Variants in NCOR1 observed in about 807,000 individuals in gnomAD.
NCOR1 encodes nuclear receptor corepressor 1, also known as protein phosphatase 1, regulatory subunit 109.
A neutral mutation model predicts 288.1 loss-of-function variants in NCOR1; 63 were observed. That is an observed-to-expected ratio of 0.22 (90% CI 0.18 to 0.27). The LOEUF (loss-of-function observed/expected upper bound fraction) is 0.27, where lower values mean the gene tolerates loss of function less well. Ranked by LOEUF, NCOR1 falls within the 10% of genes least tolerant of loss-of-function variation. The pLI is 1.00. For synonymous variants in NCOR1, 1,007 were observed against 1,065.9 expected (o/e 0.94, Z 1.08); for missense variants, 2,397 against 3,019.2 (o/e 0.79, Z 4.83).
intron 26 of NCOR1, among the ~76,000 whole-genome samples, chr17:16,079,418 C>A (rs1458693576): frequency 6.6e-6 from 1 of 152,192 alleles, no homozygotes; most frequent in Non-Finnish European, 1.5e-5. Flanking sequence ...AGGCTAAGAA[C>A]TTCTTAAGTA....
At chr17:16,090,534 T>C (rs191711737) in intron 22 of NCOR1, among the ~76,000 whole-genome samples, 7 of 152,186 alleles carry the variant, frequency 4.6e-5, no homozygotes, top group African/African-American at 1.4e-4. Flanking sequence ...ACTGAGTACA[T>C]GTTGTGTCAA....
Position 16,092,672 on chromosome 17 carries a change from TATATATATATATATATATATATA to T in NCOR1, c.2821-637_2821-615del, listed in dbSNP as rs1173224008. Reference sequence around the variant, plus strand: ...TTATATATATATATATATATATATATATATATATATATATATATATATATTTTTTTTTTTTTTTTTTTTTAAGA... The same window carrying T: ...TTATATATATATATATATATATATATTTTTTTTTTTTTTTTTTTTTTAAGA... On this transcript the variant is annotated intron_variant, in intron 21 of 45. Transcript: ENST00000268712. Among the ~76,000 whole-genome samples, 138 of 17,062 alleles carry T rather than the reference TATATATATATATATATATATATA, an allele frequency of 8.1e-3. 5 individuals carry two copies. Among genetic ancestry groups the T allele is most frequent in the African/African-American group, 0.038 (125 of 3,256 alleles). 11.2% of individuals were successfully genotyped at this position (17,062 alleles called of 152,430 possible).
intron 1 of NCOR1, among the ~76,000 whole-genome samples, chr17:16,208,557 A>T (rs1165164286): frequency 1.3e-5 from 2 of 151,940 alleles, no homozygotes; most frequent in African/African-American, 4.8e-5. Context: ...TCTTTTTTAA[A>T]GAAATGCTTT....
At chr17:16,207,667 G>A (rs2091673369) in intron 1 of NCOR1, among the ~76,000 whole-genome samples, 1 of 151,256 alleles carries the variant, frequency 6.6e-6, no homozygotes, top group Admixed American at 6.6e-5. Context: ...TGTGAACCTG[G>A]GAGGTGGAGC....
chr17:16,065,279 A>T (rs1344414081), intron 33 of NCOR1, among the ~76,000 whole-genome samples: 1 of 152,226 alleles, frequency 6.6e-6, no homozygotes, highest in Non-Finnish European at 1.5e-5. Flanking sequence ...ACTCAGCACA[A>T]GGATTTGGTT....
intron 14 of NCOR1, among the ~76,000 whole-genome samples, chr17:16,127,677 G>GTATGTGTATATATACATA (rs1568209893): frequency 3.6e-4 from 51 of 143,516 alleles, no homozygotes; most frequent in African/African-American, 1.3e-3. Flanking sequence ...GTATATATGT[G>GTATGTGTATATATACATA]TATGTGTATA....
intron 4 of NCOR1, among the ~76,000 whole-genome samples, chr17:16,168,146 T>G (rs1054386900): frequency 6.6e-6 from 1 of 152,182 alleles, no homozygotes; most frequent in Non-Finnish European, 1.5e-5. Context: ...ACAATCTTTT[T>G]GTTAAACAAT....
At chr17:16,137,692 C>G (rs2076614540) in intron 13 of NCOR1, 1 of 251,438 alleles carries the variant, frequency 4.0e-6, no homozygotes, top group African/African-American at 2.2e-5. Flanking sequence ...AGTAAATTCC[C>G]TTTCTGATTA....
At chr17:16,067,839 G>C (rs2061313355) in intron 32 of NCOR1, 55 bp downstream of exon 32, 1 of 1,486,268 alleles carries the variant, frequency 6.7e-7, no homozygotes, top group East Asian at 2.3e-5. Context: ...AAGCTGAAAA[G>C]TCATACTGGT....
chr17:16,052,276 G>A (rs757964208), intron 40 of NCOR1, among the ~76,000 whole-genome samples: 3 of 151,534 alleles, frequency 2.0e-5, no homozygotes, highest in Non-Finnish European at 2.9e-5. Context: ...TGCCTGCCTC[G>A]GCCTCCCAAA....
At position 16,153,401 on chromosome 17, in the gene NCOR1, G is replaced by C. The variant is rs1421131709; in HGVS notation, c.733-6C>G. On this transcript the variant is annotated splice_region_variant and splice_polypyrimidine_tract_variant and intron_variant, in intron 6 of 45. Coordinates refer to ENST00000268712, the MANE Select transcript of NCOR1 (RefSeq NM_006311.4). ...TGAGCTTCTTCTGCTTTTTTCTAGA[G>C]ATAAAGACATTGTTGTATCATATAA... 1 of 1,578,310 alleles carries C rather than the reference G, an allele frequency of 6.3e-7. No homozygotes were observed. The highest frequency in any genetic ancestry group is 1.4e-5 in the African/African-American group (1 of 73,662).
chr17:16,073,765 T>C (rs1367071765), intron 27 of NCOR1, among the ~76,000 whole-genome samples, 196 bp from the exon 28 acceptor site: 1 of 152,266 alleles, frequency 6.6e-6, no homozygotes, highest in Non-Finnish European at 1.5e-5. Flanking sequence ...TACTGTGTGC[T>C]AGGCATAAGC....
chr17:16,151,059 A>G (rs898160378), intron 8 of NCOR1, among the ~76,000 whole-genome samples: 15 of 151,264 alleles, frequency 9.9e-5, no homozygotes, highest in Non-Finnish European at 2.1e-4. Context: ...TATATATATA[A>G]AATAAATAGC....
rs1302586495 is a variant in NCOR1 at position 16,039,623 on chromosome 17, A to T, written c.6765T>A (p.Ala2255=). The change falls in exon 44 of 46, where the codon GCT becomes GCA. Residue 2255 remains alanine (A), a synonymous_variant. Transcript: ENST00000268712. ...GSVSSRGHSF[A]DPASNLGLED... Reference sequence around the variant, plus strand: ...CCAGCCCAAGATTACTGGCAGGATCAGCAAAAGAATGGCCTCTAGAGCTAA... The same window carrying T: ...CCAGCCCAAGATTACTGGCAGGATCTGCAAAAGAATGGCCTCTAGAGCTAA... The T allele has an allele frequency of 6.2e-7, 1 of 1,614,148 alleles. No individual in the cohort carries two copies. The highest frequency in any genetic ancestry group is 8.5e-7 in the Non-Finnish European group (1 of 1,180,010).
In NCOR1 at chr17:16,133,545, C is replaced by T. The variant is rs568117512; in HGVS notation, c.1509+3766G>A. 1.3e-3 allele frequency among the ~76,000 whole-genome samples: 200 copies of T among 152,284 alleles called. 1 individual carries two copies. Among genetic ancestry groups the T allele is most frequent in the African/African-American group, 4.6e-3 (190 of 41,540 alleles). Reference sequence around the variant, plus strand: ...CAGGGTAAAATCAAGGGAGTTGATACATAGATTTTGAAAATCTTAACCTTG... The same window carrying T: ...CAGGGTAAAATCAAGGGAGTTGATATATAGATTTTGAAAATCTTAACCTTG... On this transcript the variant is annotated intron_variant, in intron 14 of 45. Coordinates refer to ENST00000268712, the MANE Select transcript of NCOR1 (RefSeq NM_006311.4).
intron 42 of NCOR1, among the ~76,000 whole-genome samples, chr17:16,046,309 C>T (rs1406981076): frequency 6.6e-6 from 1 of 152,174 alleles, no homozygotes; most frequent in Admixed American, 6.5e-5. Context: ...TTGACATCAA[C>T]GTTCATACTA....
chr17:16,158,738 G>A, intron 6 of NCOR1, 22 bp downstream of exon 6: 3 of 1,522,560 alleles, frequency 2.0e-6, no homozygotes, highest in Non-Finnish European at 1.8e-6. Flanking sequence ...GGCCTGTGCT[G>A]CCAGAGATGG....
At position 16,092,040 on chromosome 17, in the gene NCOR1, T is replaced by C; in HGVS notation, c.2839A>G (p.Asn947Asp). The C allele has an allele frequency of 1.9e-6, 3 of 1,614,092 alleles. No individual in the cohort carries two copies. Among genetic ancestry groups the C allele is most frequent in the Non-Finnish European group, 2.5e-6 (3 of 1,180,040 alleles). The stretch of plus-strand genomic sequence containing the variant: ...CTCACTGGGGTTCCAATTGGTATGT[T>C]ACATGGGGTGCAGGATACCTATAGG... Reference protein sequence around the residue: ...IPPMVSCTPCNIPIGTPVSGY... With the variant: ...IPPMVSCTPCDIPIGTPVSGY... The change falls in exon 22 of 46, where the codon AAC becomes GAC. Residue 947 changes from asparagine (N) to aspartate (D), a missense_variant. Transcript: ENST00000268712.
At chr17:16,152,863 G>GT (rs1258877883) in intron 7 of NCOR1, among the ~76,000 whole-genome samples, 1 of 152,072 alleles carries the variant, frequency 6.6e-6, no homozygotes, top group Non-Finnish European at 1.5e-5. Flanking sequence ...GTATGAGATG[G>GT]TATCTCATTG....
Sources: gnomAD v4.1 joint callset for allele counts (sites outside exome capture counted in the v4.1 genomes callset) on GRCh38, gnomAD v4.1.1 for gene constraint, MANE v1.5 for transcripts, NCBI Gene and HGNC (gene_info 2026-07-23, HGNC 2026-07-21) for gene names.